The following PACRG variants were observed in gnomAD, a reference collection of about 807,000 sequenced individuals.
The protein encoded by PACRG is parkin coregulated.
In PACRG, 29 loss-of-function variants were observed where a neutral mutation model predicts 29.7. The observed-to-expected ratio is 0.98, with a 90% CI of 0.73 to 1.33. The LOEUF is 1.33. PACRG is among the 40% of genes most tolerant of loss of function. The pLI is 0.00. For missense variants in PACRG, 279 were observed against 316.2 expected, an observed-to-expected ratio of 0.88 and a Z score of 0.89; for synonymous variants, 116 against 118.7, an observed-to-expected ratio of 0.98 and a Z score of 0.15.
At chr6:162,825,150 T>C (rs1172408925) in intron 2 of PACRG, among the ~76,000 whole-genome samples, 1 of 152,222 alleles carries the variant, frequency 6.6e-6, no homozygotes, top group Non-Finnish European at 1.5e-5. Flanking sequence ...CCTATGTATC[T>C]ACATATTGTG....
intron 4 of PACRG, chr6:163,244,886 T>G (rs1358176862): frequency 3.5e-6 from 1 of 284,814 alleles, no homozygotes; most frequent in Non-Finnish European, 7.0e-6. Flanking sequence ...TGTAAGAAAT[T>G]GCTGAAAACT....
intron 4 of PACRG, among the ~76,000 whole-genome samples, chr6:163,139,973 GT>G (rs1173593006): frequency 1.3e-5 from 2 of 152,072 alleles, no homozygotes; most frequent in African/African-American, 4.8e-5. Context: ...GCCTATCCAA[GT>G]ACTGTCCCTT....
intron 4 of PACRG, among the ~76,000 whole-genome samples, chr6:163,305,553 C>T (rs1273218529): frequency 2.0e-5 from 3 of 152,114 alleles, no homozygotes; most frequent in Non-Finnish European, 4.4e-5. Flanking sequence ...ATCTACCAGA[C>T]TAAAAATAAA....
rs1781537590 is a variant in PACRG at position 162,751,875 on chromosome 6, G to A, written c.156+23484G>A. On this transcript the variant is annotated intron_variant, in intron 1 of 4. Transcript: ENST00000366888. ...TCCAACCCCAAAATGCTTCTCTCCAGAACACTGCTTTGTGGTCAGTATTAG... is the reference window on the plus strand; with the variant it reads ...TCCAACCCCAAAATGCTTCTCTCCAAAACACTGCTTTGTGGTCAGTATTAG... Among the ~76,000 whole-genome samples, 3 of 152,138 alleles carry A rather than the reference G, an allele frequency of 2.0e-5. No individual in the cohort carries two copies. In the South Asian group the frequency reaches 6.2e-4, roughly 31 times the overall value.
chr6:162,908,763 A>T (rs906310286), intron 2 of PACRG, among the ~76,000 whole-genome samples: 1 of 152,206 alleles, frequency 6.6e-6, no homozygotes, highest in Non-Finnish European at 1.5e-5. Context: ...AGCCAGAATC[A>T]GGGGCCCACT....
intron 2 of PACRG, among the ~76,000 whole-genome samples, chr6:162,933,993 G>T (rs535892585): frequency 1.3e-5 from 2 of 152,302 alleles, no homozygotes; most frequent in African/African-American, 4.8e-5. Flanking sequence ...ACTGGGCGCG[G>T]TGGCTCACGC....
Position 163,269,914 on chromosome 6 carries a change from G to GA in PACRG, c.614-44910dup, listed in dbSNP as rs1298688685. 1.4e-3 allele frequency among the ~76,000 whole-genome samples: 98 copies of GA among 69,586 alleles called. 18 individuals carry two copies. Among genetic ancestry groups the GA allele is most frequent in the African/African-American group, 7.4e-3 (95 of 12,770 alleles). 45.7% of individuals were successfully genotyped at this position (69,586 alleles called of 152,430 possible). A position where few individuals can be genotyped will look rare whatever the true frequency, so the allele number is the denominator to read the frequency against. On this transcript the variant is annotated intron_variant, in intron 4 of 4. Coordinates refer to ENST00000366888, the MANE Select transcript of PACRG (RefSeq NM_001080379.2). ...GAAAACAAAGAAAGAAAGAAAGAAA[G>GA]AAAGAAAGAAAGAAAACAAAGAAAG...
intron 1 of PACRG, among the ~76,000 whole-genome samples, chr6:162,747,837 G>A (rs1481692996): frequency 6.6e-6 from 1 of 151,958 alleles, no homozygotes; most frequent in Non-Finnish European, 1.5e-5. Flanking sequence ...CTCAGGAAAT[G>A]TAGAGATTCA....
intron 4 of PACRG, among the ~76,000 whole-genome samples, chr6:163,302,265 T>G (rs576977760): frequency 1.3e-5 from 2 of 152,160 alleles, no homozygotes; most frequent in African/African-American, 2.4e-5. Context: ...TTTGTTTTTT[T>G]TTTTGTAAGA....
At chr6:163,052,564 T>A (rs1810127676) in intron 2 of PACRG, among the ~76,000 whole-genome samples, 1 of 152,044 alleles carries the variant, frequency 6.6e-6, no homozygotes. Context: ...ATGGGGGTGG[T>A]TTTCCCCATG....
At chr6:162,964,066 C>A (rs756182830) in intron 2 of PACRG, among the ~76,000 whole-genome samples, 1 of 152,032 alleles carries the variant, frequency 6.6e-6, no homozygotes, top group Non-Finnish European at 1.5e-5. Flanking sequence ...AAACAAATAA[C>A]CATAACAGAA....
intron 2 of PACRG, among the ~76,000 whole-genome samples, chr6:162,818,821 G>C (rs1047903081): frequency 6.6e-6 from 1 of 152,118 alleles, no homozygotes; most frequent in South Asian, 2.1e-4. Flanking sequence ...ATAACCAGGC[G>C]TAAGAATGTC....
intron 1 of PACRG, among the ~76,000 whole-genome samples, chr6:162,755,020 A>G (rs1781795836): frequency 6.6e-6 from 1 of 152,108 alleles, no homozygotes; most frequent in South Asian, 2.1e-4. Flanking sequence ...TCAGTCTTGG[A>G]AAGTTCTATG....
chr6:162,869,207 C>T (rs551298550), intron 2 of PACRG, among the ~76,000 whole-genome samples: 11 of 152,192 alleles, frequency 7.2e-5, no homozygotes, highest in Admixed American at 2.0e-4. Context: ...TAGGGCGGCT[C>T]CAAGATCCCT....
At chr6:163,104,499 A>C (rs1222846519) in intron 4 of PACRG, among the ~76,000 whole-genome samples, 1 of 152,230 alleles carries the variant, frequency 6.6e-6, no homozygotes, top group African/African-American at 2.4e-5. Context: ...CCAAGATTGC[A>C]CAGACCATTT....
chr6:162,904,618 T>A (rs1321060883), intron 2 of PACRG, among the ~76,000 whole-genome samples: 2 of 152,246 alleles, frequency 1.3e-5, no homozygotes, highest in Non-Finnish European at 2.9e-5. Context: ...AAGGTTAGGA[T>A]GCAGCTTACA....
chr6:162,750,992 T>A (rs921098891), intron 1 of PACRG, among the ~76,000 whole-genome samples: 1 of 152,188 alleles, frequency 6.6e-6, no homozygotes, highest in Admixed American at 6.5e-5. Flanking sequence ...TTCATGTTTG[T>A]CTAATGACTT....
chr6:163,239,020 G>GA (rs796780720), intron 4 of PACRG, among the ~76,000 whole-genome samples: 29 of 152,322 alleles, frequency 1.9e-4, no homozygotes, highest in African/African-American at 6.0e-4. Context: ...TACTGACCTA[G>GA]TGGTCAGCAC....
At chr6:163,138,628 G>T (rs1817032242) in intron 4 of PACRG, among the ~76,000 whole-genome samples, 1 of 152,176 alleles carries the variant, frequency 6.6e-6, no homozygotes, top group Admixed American at 6.5e-5. Flanking sequence ...TGACCTGACA[G>T]GAGGCGGAGC....
Sources: allele counts gnomAD v4.1 joint callset (sites outside exome capture counted in the v4.1 genomes callset), GRCh38; gene constraint gnomAD v4.1.1; transcripts MANE v1.5; gene names NCBI Gene and HGNC (gene_info 2026-07-23, HGNC 2026-07-21).